ASCC3: variants seen among roughly 807,000 people sequenced by gnomAD.
ASCC3 encodes activating signal cointegrator 1 complex subunit 3, also known as ASC-1 complex subunit P200.
A neutral mutation model predicts 256.3 loss-of-function variants in ASCC3; 158 were observed. The ratio of observed to expected loss-of-function variants is 0.62; its 90% CI spans 0.54 to 0.70. The LOEUF is 0.70. Among genes scored for constraint, ASCC3 ranks in the 30% least tolerant of loss-of-function variants. The pLI is 0.00. For missense variants in ASCC3, 2,259 were observed against 2,626.0 expected, an observed-to-expected ratio of 0.86 and a Z score of 3.05; for synonymous variants, 948 against 883.4, an observed-to-expected ratio of 1.07 and a Z score of -1.30.
intron 11 of ASCC3, among the ~76,000 whole-genome samples, chr6:100,724,554 C>G (rs932920658): frequency 6.6e-6 from 1 of 151,368 alleles, no homozygotes; most frequent in Non-Finnish European, 1.5e-5. Flanking sequence ...AAAGGGGTAA[C>G]TTACAGAGTG....
At position 100,679,682 on chromosome 6, in the gene ASCC3, T is replaced by C; in HGVS notation, c.2222A>G (p.Asn741Ser). ...AAAAAAGAAGGGAATATGGCCACAA[T>C]TTTTTGCTCTTTCTATTAGAGACAT... ...TAMSLIERAKNCGHIPFFFPT... is the reference protein window; with the variant it reads ...TAMSLIERAKSCGHIPFFFPT... The change falls in exon 14 of 42, where the codon AAT becomes AGT. Residue 741 changes from asparagine (N) to serine (S), a missense_variant. Around this residue, in one of 2 missense-constraint regions of ASCC3, gnomAD observed 1,839 missense variants for 2,206.7 expected, o/e 0.83. Transcript: ENST00000369162. The C allele has an allele frequency of 6.2e-7, 1 of 1,613,708 alleles. No individual in the cohort carries two copies. Among genetic ancestry groups the C allele is most frequent in the Non-Finnish European group, 8.5e-7 (1 of 1,179,736 alleles).
At position 100,741,693 on chromosome 6, in the gene ASCC3, G is replaced by A. The variant is rs141719644; in HGVS notation, c.1738-15990C>T. Among the ~76,000 whole-genome samples the A allele has an allele frequency of 7.9e-4, 120 of 152,272 alleles. 1 individual carries two copies. Among genetic ancestry groups the A allele is most frequent in the African/African-American group, 2.6e-3 (108 of 41,556 alleles). ...TATTCTGCTACTGATACTTGTGAGT[G>A]TATTGTGAAGTTCTCGTAGTGTTAT... is the stretch of plus-strand genomic sequence containing the variant. On this transcript the variant is annotated intron_variant, in intron 10 of 41. Transcript: ENST00000369162.
chr6:100,711,445 G>T (rs1342429265), intron 13 of ASCC3, among the ~76,000 whole-genome samples: 10 of 151,790 alleles, frequency 6.6e-5, no homozygotes, highest in Non-Finnish European at 4.4e-5. Flanking sequence ...AAATCTATAG[G>T]GCTGGGCATG....
At chr6:100,856,163 A>G (rs1364284410) in intron 3 of ASCC3, 1 of 155,932 alleles carries the variant, frequency 6.4e-6, no homozygotes, top group East Asian at 1.9e-4. Flanking sequence ...CTGCTGACCT[A>G]CATAGGGAAC....
At chr6:100,513,620 G>T (rs1773885099) in intron 39 of ASCC3, among the ~76,000 whole-genome samples, 1 of 151,598 alleles carries the variant, frequency 6.6e-6, no homozygotes, top group Admixed American at 6.6e-5. Context: ...ATAAGTCTAG[G>T]GTTCCTTCTA....
intron 34 of ASCC3, among the ~76,000 whole-genome samples, chr6:100,592,826 C>A (rs1772075733): frequency 6.6e-6 from 1 of 152,026 alleles, no homozygotes; most frequent in South Asian, 2.1e-4. Context: ...CTCCACAGTA[C>A]AAAATTTGTA....
intron 2 of ASCC3, among the ~76,000 whole-genome samples, 193 bp downstream of exon 2, chr6:100,867,715 A>G (rs976874717): frequency 1.9e-4 from 29 of 152,190 alleles, no homozygotes; most frequent in Admixed American, 1.9e-3. Context: ...TCCCCTTGAC[A>G]ATATGGTTTT....
At chr6:100,727,573 A>T (rs1254219108) in intron 10 of ASCC3, among the ~76,000 whole-genome samples, 1 of 152,080 alleles carries the variant, frequency 6.6e-6, no homozygotes, top group Non-Finnish European at 1.5e-5. Context: ...GGCAGCAATT[A>T]CAGGCAGATG....
chr6:100,794,749 A>T (rs1769522369), intron 8 of ASCC3, among the ~76,000 whole-genome samples: 1 of 152,038 alleles, frequency 6.6e-6, no homozygotes, highest in Non-Finnish European at 1.5e-5. Flanking sequence ...TATTATATGC[A>T]TCTTTTATAT....
Position 100,815,921 on chromosome 6 carries a change from T to C in ASCC3, c.802-10041A>G, listed in dbSNP as rs181261980. ...GCAAAAATTGATAAATGGGATCTAA[T>C]TAAAAGAGCGAGCTTCTGTACAGCA... On this transcript the variant is annotated intron_variant, in intron 4 of 41. Transcript: ENST00000369162. 2.0e-5 allele frequency among the ~76,000 whole-genome samples: 3 copies of C among 152,206 alleles called. No homozygotes were observed. The East Asian group carries it at 5.8e-4, about 29-fold the overall frequency.
intron 26 of ASCC3, among the ~76,000 whole-genome samples, chr6:100,630,181 G>A (rs989918929): frequency 5.9e-5 from 9 of 151,920 alleles, no homozygotes; most frequent in African/African-American, 2.2e-4. Flanking sequence ...GAGCCACCAC[G>A]CCCAGCCTAA....
chr6:100,566,916 C>T lies in ASCC3; in HGVS notation c.5550+22718G>A, dbSNP rs554192747. 3.3e-5 allele frequency among the ~76,000 whole-genome samples: 5 copies of T among 152,130 alleles called. No homozygotes were observed. The South Asian group carries it at 8.3e-4, about 25-fold the overall frequency. ...TCAAATAAGTCTTTTGTCTTCAACC[C>T]TCCACTGAAATTACTCATTGAAGAT... On this transcript the variant is annotated intron_variant, in intron 36 of 41. Coordinates refer to ENST00000369162, the MANE Select transcript of ASCC3 (RefSeq NM_006828.4).
intron 13 of ASCC3, among the ~76,000 whole-genome samples, chr6:100,684,811 T>TC (rs1777483243): frequency 6.9e-6 from 1 of 144,624 alleles, no homozygotes; most frequent in Admixed American, 6.9e-5. Context: ...TCTTTTTTTT[T>TC]TTTTTTTTTT....
At chr6:100,819,279 C>T (rs1191810428) in intron 4 of ASCC3, among the ~76,000 whole-genome samples, 4 of 152,038 alleles carry the variant, frequency 2.6e-5, no homozygotes, top group Non-Finnish European at 4.4e-5. Flanking sequence ...CAAACCTACA[C>T]GTTGTGCACA....
At chr6:100,818,481 C>G (rs541331976) in intron 4 of ASCC3, among the ~76,000 whole-genome samples, 8 of 150,134 alleles carry the variant, frequency 5.3e-5, no homozygotes, top group Non-Finnish European at 5.9e-5. Flanking sequence ...GCAGGAGAAC[C>G]GCTTGAACCC....
chr6:100,651,523 G>C (rs1219123498), intron 19 of ASCC3, 37 bp downstream of exon 19: 22 of 1,213,346 alleles, frequency 1.8e-5, no homozygotes, highest in Non-Finnish European at 2.5e-5. Flanking sequence ...ATGCATACAT[G>C]TTGTATGCAT....
chr6:100,596,100 T>A (rs1429175812), intron 34 of ASCC3, among the ~76,000 whole-genome samples: 1 of 152,174 alleles, frequency 6.6e-6, no homozygotes, highest in African/African-American at 2.4e-5. Flanking sequence ...TTTGATTTCA[T>A]CTTTTACTAC....
At chr6:100,874,478 A>C (rs1299038359) in intron 1 of ASCC3, among the ~76,000 whole-genome samples, 3 of 151,178 alleles carry the variant, frequency 2.0e-5, no homozygotes, top group Non-Finnish European at 4.4e-5. Flanking sequence ...AAAAAAAAAA[A>C]AAAAAAAACA....
intron 13 of ASCC3, among the ~76,000 whole-genome samples, chr6:100,697,147 A>G (rs1778125862): frequency 6.6e-6 from 1 of 152,136 alleles, no homozygotes; most frequent in African/African-American, 2.4e-5. Context: ...CATAAAGCAC[A>G]TACATGCAGG....
Sources: allele counts gnomAD v4.1 joint callset (sites outside exome capture counted in the v4.1 genomes callset), GRCh38; gene constraint gnomAD v4.1.1; regional missense constraint gnomAD v4.1.1; transcripts MANE v1.5; gene names NCBI Gene and HGNC (gene_info 2026-07-23, HGNC 2026-07-21).